Variants in SHISA6 observed in about 807,000 individuals in gnomAD.
The protein encoded by SHISA6 is protein shisa-6.
In SHISA6, 22 loss-of-function variants were observed where a neutral mutation model predicts 47.9. The observed-to-expected ratio is 0.46, with a 90% CI of 0.33 to 0.66. The LOEUF is 0.66. Among genes scored for constraint, SHISA6 ranks in the 30% least tolerant of loss-of-function variants. The probability of loss-of-function intolerance (pLI) is 0.02; values close to 1 mark genes in which losing one functional copy is unlikely to be tolerated. For synonymous variants in SHISA6, 388 were observed against 337.8 expected (o/e 1.15, Z -1.63); for missense variants, 680 against 764.6 (o/e 0.89, Z 1.30).
chr17:11,277,280 T>TCTCTCTCTCTCTCTCTCTCACACACA, intron 2 of SHISA6, among the ~76,000 whole-genome samples: 1 of 53,930 alleles, frequency 1.9e-5, no homozygotes, highest in African/African-American at 7.2e-5. Context: ...TCTCTCTCTC[T>TCTCTCTCTCTCTCTCTCTCACACACA]CACACACACA....
intron 2 of SHISA6, among the ~76,000 whole-genome samples, chr17:11,319,138 G>C (rs955586498): frequency 6.7e-6 from 1 of 149,478 alleles, no homozygotes; most frequent in African/African-American, 2.5e-5. Context: ...GAGTGTAATG[G>C]CATGATCTTG....
chr17:11,417,202 AG>A (rs1914305349), intron 3 of SHISA6, among the ~76,000 whole-genome samples: 1 of 45,256 alleles, frequency 2.2e-5, no homozygotes, highest in Non-Finnish European at 6.9e-5. Flanking sequence ...TGTTCACCAG[AG>A]TCTAAAATGA....
chr17:11,345,064 A>T lies in SHISA6; in HGVS notation c.800-34350A>T, dbSNP rs116975620. On this transcript the variant is annotated intron_variant, in intron 2 of 5. Transcript: ENST00000441885. ...TTTCTGACCTGCGTTATTTCACTTA[A>T]CATAATATCCTCCATTCTTATCCAT... Among the ~76,000 whole-genome samples the T allele has an allele frequency of 4.8e-3, 735 of 152,282 alleles. 2 individuals carry two copies. Among genetic ancestry groups the T allele is most frequent in the Non-Finnish European group, 7.8e-3 (531 of 67,968 alleles).
intron 3 of SHISA6, among the ~76,000 whole-genome samples, chr17:11,515,254 A>AG (rs2071573449): frequency 6.7e-6 from 1 of 149,582 alleles, no homozygotes; most frequent in South Asian, 2.1e-4. Flanking sequence ...AAAAAAAAAA[A>AG]AAAAGAAAAA....
At chr17:11,480,562 G>C (rs1420864292) in intron 3 of SHISA6, among the ~76,000 whole-genome samples, 3 of 152,130 alleles carry the variant, frequency 2.0e-5, no homozygotes, top group African/African-American at 7.2e-5. Context: ...ACTCTATGGA[G>C]TACTGTTTTC....
chr17:11,512,123 C>T (rs747464477), intron 3 of SHISA6, among the ~76,000 whole-genome samples: 2 of 152,168 alleles, frequency 1.3e-5, no homozygotes, highest in Non-Finnish European at 2.9e-5. Flanking sequence ...ATGTCGGCAC[C>T]CTTTGATTTT....
At position 11,289,292 on chromosome 17, in the gene SHISA6, C is replaced by T. The variant is rs1344965035; in HGVS notation, c.799+25766C>T. On this transcript the variant is annotated intron_variant, in intron 2 of 5. Coordinates refer to ENST00000441885, the MANE Select transcript of SHISA6 (RefSeq NM_207386.4). ...CCAATTTTGTCAAAAGTTTGTTACCCTTTTGAAATAATGCTAGGTTTTATT... is the reference window on the plus strand; with the variant it reads ...CCAATTTTGTCAAAAGTTTGTTACCTTTTTGAAATAATGCTAGGTTTTATT... 2.0e-5 allele frequency: 3 copies of T among 151,864 alleles called. No individual in the cohort carries two copies. In the East Asian group the frequency reaches 5.8e-4, roughly 29 times the overall value. The allele number at this position is 151,864 out of a possible 1,614,324, so 9.4% of individuals were successfully genotyped here. A position where few individuals can be genotyped will look rare whatever the true frequency, so the allele number is the denominator to read the frequency against.
chr17:11,302,835 G>T (rs895697180), intron 2 of SHISA6, among the ~76,000 whole-genome samples: 5 of 151,978 alleles, frequency 3.3e-5, no homozygotes, highest in African/African-American at 1.2e-4. Flanking sequence ...ACAATATGGG[G>T]GTGGGGGAAA....
At chr17:11,552,070 G>A in intron 4 of SHISA6, 118 bp downstream of exon 4, 2 of 1,099,488 alleles carry the variant, frequency 1.8e-6, no homozygotes, top group Non-Finnish European at 2.6e-6. Flanking sequence ...AGCTAAGGAG[G>A]TCCAAGGAGC....
chr17:11,321,013 A>G (rs1462113722), intron 2 of SHISA6, among the ~76,000 whole-genome samples: 1 of 152,232 alleles, frequency 6.6e-6, no homozygotes, highest in Non-Finnish European at 1.5e-5. Context: ...TTTTTAAAAC[A>G]CTAAATACCT....
rs1052275223 is a variant in SHISA6, at chr17:11,540,752, G to A, written c.896-11144G>A. Among the ~76,000 whole-genome samples the A allele has an allele frequency of 4.6e-5, 7 of 152,202 alleles. 1 individual carries two copies. Among genetic ancestry groups the A allele is most frequent in the African/African-American group, 1.4e-4 (6 of 41,466 alleles). On this transcript the variant is annotated intron_variant, in intron 3 of 5. Transcript: ENST00000441885. ...TTTAACATGCATGGTAAATGTCTGA[G>A]AGGAAGGATATAGTATGCAGGATTC... is the stretch of plus-strand genomic sequence containing the variant.
chr17:11,429,808 A>G (rs1914699862), intron 3 of SHISA6, among the ~76,000 whole-genome samples: 1 of 146,524 alleles, frequency 6.8e-6, no homozygotes, highest in Non-Finnish European at 1.5e-5. Context: ...AAATAAATAA[A>G]TAAATCCAAT....
chr17:11,536,276 T>C (rs1266531589), intron 3 of SHISA6, among the ~76,000 whole-genome samples: 2 of 152,196 alleles, frequency 1.3e-5, no homozygotes, highest in East Asian at 1.9e-4. Context: ...ATAGCTATGA[T>C]AGTATGCCAG....
chr17:11,326,745 A>G (rs1352595244), intron 2 of SHISA6, among the ~76,000 whole-genome samples: 2 of 152,220 alleles, frequency 1.3e-5, no homozygotes, highest in Admixed American at 1.3e-4. Context: ...GGAGGCATAG[A>G]TTGAACCACG....
intron 3 of SHISA6, among the ~76,000 whole-genome samples, chr17:11,427,377 C>T (rs2142286731): frequency 6.6e-6 from 1 of 152,278 alleles, no homozygotes; most frequent in South Asian, 2.1e-4. Context: ...TTGTGATCCG[C>T]CCATCTTGGC....
chr17:11,314,120 C>T (rs1273561531), intron 2 of SHISA6, among the ~76,000 whole-genome samples: 1 of 152,016 alleles, frequency 6.6e-6, no homozygotes, highest in African/African-American at 2.4e-5. Flanking sequence ...ACAGACTATG[C>T]CCTTGTTTCT....
At chr17:11,481,489 T>A (rs939535739) in intron 3 of SHISA6, among the ~76,000 whole-genome samples, 8 of 138,432 alleles carry the variant, frequency 5.8e-5, no homozygotes, top group African/African-American at 8.1e-5. Context: ...AATGACAAAC[T>A]GAAGTTTGTT....
At chr17:11,250,726 T>TG (rs965929806) in intron 1 of SHISA6, among the ~76,000 whole-genome samples, 1 of 152,182 alleles carries the variant, frequency 6.6e-6, no homozygotes, top group Non-Finnish European at 1.5e-5. Flanking sequence ...GAGTCAGTCT[T>TG]GCTGTGAGCC....
At chr17:11,355,055 G>A (rs1326908885) in intron 2 of SHISA6, among the ~76,000 whole-genome samples, 1 of 152,204 alleles carries the variant, frequency 6.6e-6, no homozygotes, top group Non-Finnish European at 1.5e-5. Flanking sequence ...ATTACTGGAG[G>A]TGTCATGTAT....
Sources: gnomAD v4.1 joint callset for allele counts (sites outside exome capture counted in the v4.1 genomes callset) on GRCh38, gnomAD v4.1.1 for gene constraint, MANE v1.5 for transcripts, NCBI Gene and HGNC (gene_info 2026-07-23, HGNC 2026-07-21) for gene names.